The following PCLO variants were observed in gnomAD, a reference collection of about 807,000 sequenced individuals.
PCLO encodes piccolo presynaptic cytomatrix protein, also known as protein piccolo.
PCLO carries 82 observed loss-of-function variants against 427.5 expected under a neutral mutation model. The observed-to-expected ratio is 0.19, with a 90% CI of 0.16 to 0.23. The LOEUF (loss-of-function observed/expected upper bound fraction) is 0.23, where lower values mean the gene tolerates loss of function less well. Ranked by LOEUF, PCLO falls within the 10% of genes least tolerant of loss-of-function variation. PCLO has a pLI of 1.00. For synonymous variants in PCLO, 2,357 were observed against 2,155.4 expected (o/e 1.09, Z -2.59); for missense variants, 6,239 against 6,115.9 (o/e 1.02, Z -0.67).
At chr7:83,124,080 G>A (rs1791360279) in intron 3 of PCLO, among the ~76,000 whole-genome samples, 1 of 151,572 alleles carries the variant, frequency 6.6e-6, no homozygotes, top group African/African-American at 2.4e-5. Flanking sequence ...ACTTTGGGAG[G>A]CGGGCGGATC....
intron 3 of PCLO, among the ~76,000 whole-genome samples, chr7:83,085,333 T>C (rs779817107): frequency 2.4e-4 from 36 of 152,156 alleles, no homozygotes; most frequent in Admixed American, 2.6e-4. Flanking sequence ...AAACCATTAA[T>C]TGCTGTTTTT....
intron 3 of PCLO, among the ~76,000 whole-genome samples, chr7:83,062,601 T>C (rs565243511): frequency 6.6e-6 from 1 of 152,312 alleles, no homozygotes; most frequent in Admixed American, 6.5e-5. Flanking sequence ...ACAGCAGACA[T>C]TCATTGAGTG....
chr7:82,770,648 G>A (rs1407062325), intron 22 of PCLO, among the ~76,000 whole-genome samples: 1 of 151,600 alleles, frequency 6.6e-6, no homozygotes, highest in East Asian at 1.9e-4. Context: ...AATTTCCAAT[G>A]AGGTGTATTA....
intron 3 of PCLO, among the ~76,000 whole-genome samples, chr7:83,090,594 T>A (rs1222376095): frequency 1.3e-5 from 2 of 152,156 alleles, no homozygotes; most frequent in Admixed American, 1.3e-4. Context: ...TTCATTTAGG[T>A]CCTTTTCCAG....
chr7:82,871,353 C>A (rs942281190), intron 10 of PCLO, among the ~76,000 whole-genome samples: 1 of 151,844 alleles, frequency 6.6e-6, no homozygotes, highest in Non-Finnish European at 1.5e-5. Flanking sequence ...AAGCCAGACA[C>A]AGAAAGACAA....
At chr7:82,822,191 C>T (rs1254848672) in intron 20 of PCLO, 10 of 1,178,508 alleles carry the variant, frequency 8.5e-6, no homozygotes, top group African/African-American at 1.6e-5. Context: ...ACAAAAAGGA[C>T]ACACAACATT....
At chr7:83,158,813 C>G (rs1223273326) in intron 1 of PCLO, among the ~76,000 whole-genome samples, 1 of 151,898 alleles carries the variant, frequency 6.6e-6, no homozygotes, top group Non-Finnish European at 1.5e-5. Flanking sequence ...ATAATTTAAA[C>G]TTAGTTAGTT....
At chr7:83,027,484 A>T (rs1788533453) in intron 3 of PCLO, among the ~76,000 whole-genome samples, 1 of 152,044 alleles carries the variant, frequency 6.6e-6, no homozygotes, top group African/African-American at 2.4e-5. Flanking sequence ...AACCAAAAAG[A>T]GTCCAGGACC....
In PCLO at chr7:83,135,218, T is replaced by A; in HGVS notation, c.2332A>T (p.Ile778Phe). 1 of 1,613,952 alleles carries A rather than the reference T, an allele frequency of 6.2e-7. No individual in the cohort carries two copies. The highest frequency in any genetic ancestry group is 8.5e-7 in the Non-Finnish European group (1 of 1,179,892). Reference protein sequence around the residue: ...SSSSATTKPDIPSSKVQSQAE... With the variant: ...SSSSATTKPDFPSSKVQSQAE... Reference sequence around the variant, plus strand: ...TGTGACTGTACTTTGGAGCTTGGAATATCAGGTTTTGTTGTTGCTGATGAT... The same window carrying A: ...TGTGACTGTACTTTGGAGCTTGGAAAATCAGGTTTTGTTGTTGCTGATGAT... Residue 778 changes from isoleucine to phenylalanine, a missense_variant, in exon 3 of 25, where the codon ATT becomes TTT. Ile to Phe is a conservative substitution (Grantham distance 21). Coordinates refer to ENST00000333891, the MANE Select transcript of PCLO (RefSeq NM_033026.6).
intron 3 of PCLO, among the ~76,000 whole-genome samples, chr7:83,073,354 C>G (rs1789866460): frequency 6.6e-6 from 1 of 151,984 alleles, no homozygotes; most frequent in Non-Finnish European, 1.5e-5. Flanking sequence ...CTCAGAAAAC[C>G]TTATTGAGTA....
chr7:82,815,388 T>C (rs966719358), intron 20 of PCLO, among the ~76,000 whole-genome samples: 1 of 152,064 alleles, frequency 6.6e-6, no homozygotes, highest in African/African-American at 2.4e-5. Context: ...TTAAATGTCA[T>C]TGGCAATGAG....
chr7:82,976,464 T>G (rs1400163637), intron 3 of PCLO, among the ~76,000 whole-genome samples: 1 of 152,168 alleles, frequency 6.6e-6, no homozygotes, highest in African/African-American at 2.4e-5. Context: ...ATTTTAAACT[T>G]CCTAATCATT....
At chr7:83,035,677 C>T (rs528670968) in intron 3 of PCLO, among the ~76,000 whole-genome samples, 12 of 151,982 alleles carry the variant, frequency 7.9e-5, no homozygotes, top group South Asian at 4.1e-4. Flanking sequence ...ACATCTTTGA[C>T]GCGTTTATTT....
chr7:82,829,566 T>G (rs1792039843), intron 16 of PCLO, among the ~76,000 whole-genome samples: 1 of 152,148 alleles, frequency 6.6e-6, no homozygotes, highest in Non-Finnish European at 1.5e-5. Context: ...CAGCTGTCAC[T>G]CAAGATAAAT....
intron 3 of PCLO, among the ~76,000 whole-genome samples, chr7:83,088,721 C>T (rs1486542825): frequency 1.3e-5 from 2 of 152,116 alleles, no homozygotes; most frequent in African/African-American, 4.8e-5. Flanking sequence ...GCAGCCCCTG[C>T]CTCATGAATA....
intron 20 of PCLO, among the ~76,000 whole-genome samples, chr7:82,819,627 T>C (rs1397570661): frequency 6.6e-6 from 1 of 152,156 alleles, no homozygotes; most frequent in Non-Finnish European, 1.5e-5. Flanking sequence ...TAAACTGGGC[T>C]GAGTAACACA....
At chr7:83,029,097 A>C (rs997555006) in intron 3 of PCLO, among the ~76,000 whole-genome samples, 2 of 151,902 alleles carry the variant, frequency 1.3e-5, no homozygotes, top group South Asian at 2.1e-4. Flanking sequence ...CAGAAGAAAA[A>C]ATTGACAAAT....
At chr7:83,002,435 A>C (rs1787846461) in intron 3 of PCLO, among the ~76,000 whole-genome samples, 1 of 151,822 alleles carries the variant, frequency 6.6e-6, no homozygotes, top group Non-Finnish European at 1.5e-5. Flanking sequence ...TTTCACATTT[A>C]TTCTTTTATT....
chr7:83,038,002 TA>T (rs1788841570), intron 3 of PCLO, among the ~76,000 whole-genome samples: 1 of 28,376 alleles, frequency 3.5e-5, no homozygotes, highest in Admixed American at 6.0e-4. Flanking sequence ...TATATATATA[TA>T]TATATATATA....
Sources: gnomAD v4.1 joint callset for allele counts (sites outside exome capture counted in the v4.1 genomes callset) on GRCh38, gnomAD v4.1.1 for gene constraint, MANE v1.5 for transcripts, NCBI Gene and HGNC (gene_info 2026-07-23, HGNC 2026-07-21) for gene names.